FGF12: variants seen among roughly 807,000 people sequenced by gnomAD.
FGF12 encodes the protein fibroblast growth factor 12B.
Under a neutral mutation model 23.6 loss-of-function variants are expected in FGF12, and 14 were observed. The ratio of observed to expected loss-of-function variants is 0.59; its 90% confidence interval spans 0.39 to 0.93. The LOEUF is 0.93. FGF12 is among the 40% of genes least tolerant of loss of function. The probability of loss-of-function intolerance (pLI) is 0.00; values close to 1 mark genes in which losing one functional copy is unlikely to be tolerated. For missense variants in FGF12, 175 were observed against 217.8 expected, an observed-to-expected ratio of 0.80 and a Z score of 1.24; for synonymous variants, 62 against 77.3, an observed-to-expected ratio of 0.80 and a Z score of 1.04.
At chr3:192,317,588 T>A (rs1368867406) in intron 4 of FGF12, among the ~76,000 whole-genome samples, 1 of 151,900 alleles carries the variant, frequency 6.6e-6, no homozygotes, top group Non-Finnish European at 1.5e-5. Context: ...CCAGCAAGAT[T>A]CATAAGGTTC....
At chr3:192,212,469 G>C (rs780494570) in intron 4 of FGF12, among the ~76,000 whole-genome samples, 3 of 152,096 alleles carry the variant, frequency 2.0e-5, no homozygotes, top group Non-Finnish European at 4.4e-5. Flanking sequence ...TAAATAACTT[G>C]TTATTTAGAA....
chr3:192,315,741 T>C (rs1158648567), intron 4 of FGF12, among the ~76,000 whole-genome samples: 1 of 151,558 alleles, frequency 6.6e-6, no homozygotes, highest in Non-Finnish European at 1.5e-5. Context: ...ACAGGAGATC[T>C]TTTGGAAATC....
intron 2 of FGF12, among the ~76,000 whole-genome samples, chr3:192,450,172 C>T (rs1400704229): frequency 6.6e-6 from 1 of 152,116 alleles, no homozygotes; most frequent in Non-Finnish European, 1.5e-5. Context: ...CACCAAGATA[C>T]CCTTTCCAGG....
chr3:192,568,187 T>A (rs1254795713), intron 2 of FGF12, among the ~76,000 whole-genome samples: 1 of 152,166 alleles, frequency 6.6e-6, no homozygotes, highest in Admixed American at 6.5e-5. Flanking sequence ...TCCACCTAGA[T>A]AATTTGGATT....
intron 2 of FGF12, among the ~76,000 whole-genome samples, chr3:192,379,005 G>A (rs1013402876): frequency 2.0e-5 from 3 of 152,148 alleles, no homozygotes; most frequent in Non-Finnish European, 4.4e-5. Flanking sequence ...GTGAGAACAT[G>A]TGGTATTTGG....
At position 192,574,432 on chromosome 3, in the gene FGF12, A is replaced by G. The variant is rs143789537; in HGVS notation, c.13+152749T>C. 6.0e-3 allele frequency among the ~76,000 whole-genome samples: 908 copies of G among 152,316 alleles called. 8 individuals carry two copies. The highest frequency in any genetic ancestry group is 0.02 in the African/African-American group (821 of 41,566). ...GGAGGGGCTATGCTTCTGACCCTTTACCATATAAACTTTTGCTTAAAGATC... is the reference window on the plus strand; with the variant it reads ...GGAGGGGCTATGCTTCTGACCCTTTGCCATATAAACTTTTGCTTAAAGATC... On this transcript the variant is annotated intron_variant, in intron 2 of 5. Transcript: ENST00000445105.
In FGF12 at chr3:192,212,786, T is replaced by TGGG. The variant is rs35232167; in HGVS notation, c.229-42133_229-42131dup. On this transcript the variant is annotated intron_variant, in intron 4 of 5. Transcript: ENST00000445105. ...TTCTCAACATTAAAATTCACAAAAA[T>TGGG]GGGGGGGGGGTTAAAAAAAGAAATA... 1.6e-3 allele frequency among the ~76,000 whole-genome samples: 221 copies of TGGG among 141,484 alleles called. 1 individual carries two copies. Among genetic ancestry groups the TGGG allele is most frequent in the Middle Eastern group, 3.6e-3 (1 of 276 alleles). The allele number at this position is 141,484 out of a possible 152,430, so 92.8% of individuals were successfully genotyped here.
chr3:192,601,441 T>G (rs1276325500), intron 2 of FGF12, among the ~76,000 whole-genome samples: 1 of 152,136 alleles, frequency 6.6e-6, no homozygotes, highest in African/African-American at 2.4e-5. Flanking sequence ...GGATATTGAA[T>G]GTTCCCAACA....
At chr3:192,602,155 T>A (rs1714140078) in intron 2 of FGF12, among the ~76,000 whole-genome samples, 1 of 152,178 alleles carries the variant, frequency 6.6e-6, no homozygotes, top group Non-Finnish European at 1.5e-5. Context: ...AACAAATGTC[T>A]TATTCTGGCT....
chr3:192,420,716 T>C (rs749209786), intron 2 of FGF12, among the ~76,000 whole-genome samples: 2 of 152,164 alleles, frequency 1.3e-5, no homozygotes, highest in African/African-American at 4.8e-5. Context: ...ATGCTTCTTA[T>C]ACAATCTACA....
At position 192,309,480 on chromosome 3, in the gene FGF12, C is replaced by T. The variant is rs77563439; in HGVS notation, c.228+25881G>A. Among the ~76,000 whole-genome samples the T allele has an allele frequency of 1.3e-3, 199 of 152,258 alleles. 1 individual carries two copies. Among genetic ancestry groups the T allele is most frequent in the African/African-American group, 4.5e-3 (188 of 41,546 alleles). Reference sequence around the variant, plus strand: ...GATGGGAACTGGAAGATAAGTCGGACACAGCCTTTGCCTTCAAGATGCTGA... The same window carrying T: ...GATGGGAACTGGAAGATAAGTCGGATACAGCCTTTGCCTTCAAGATGCTGA... On this transcript the variant is annotated intron_variant, in intron 4 of 5. Transcript: ENST00000445105.
chr3:192,584,952 C>T (rs1713311762), intron 2 of FGF12, among the ~76,000 whole-genome samples: 1 of 152,058 alleles, frequency 6.6e-6, no homozygotes, highest in South Asian at 2.1e-4. Flanking sequence ...TAGTGTATGC[C>T]AGGCCCTAGC....
At chr3:192,440,771 G>A (rs536479071) in intron 2 of FGF12, among the ~76,000 whole-genome samples, 70 of 152,290 alleles carry the variant, frequency 4.6e-4, no homozygotes, top group African/African-American at 1.7e-3. Flanking sequence ...GATGCCCTAT[G>A]TGTCAGCCAC....
intron 2 of FGF12, among the ~76,000 whole-genome samples, chr3:192,426,642 G>A (rs1265992903): frequency 2.0e-5 from 3 of 152,152 alleles, no homozygotes; most frequent in African/African-American, 7.2e-5. Context: ...CTTGAGAGTT[G>A]TAGGAGATAA....
At chr3:192,158,443 TTTC>T (rs370455446) in intron 5 of FGF12, among the ~76,000 whole-genome samples, 15,651 of 147,242 alleles carry the variant, frequency 0.11, 1,231 homozygotes, top group East Asian at 0.22. Flanking sequence ...TCTTTCTTTC[TTTC>T]TTCTTTTTTC....
chr3:192,523,009 C>A (rs1439351179), intron 2 of FGF12, among the ~76,000 whole-genome samples: 2 of 152,156 alleles, frequency 1.3e-5, no homozygotes, highest in African/African-American at 4.8e-5. Context: ...CCATTTTATA[C>A]TTTAAAAATG....
intron 2 of FGF12, among the ~76,000 whole-genome samples, chr3:192,607,003 C>T (rs1714362739): frequency 6.6e-6 from 1 of 152,070 alleles, no homozygotes; most frequent in Non-Finnish European, 1.5e-5. Context: ...GGACAACCCC[C>T]TCCCCCAACA....
chr3:192,685,117 C>T (rs963077557), intron 2 of FGF12, among the ~76,000 whole-genome samples: 1 of 151,992 alleles, frequency 6.6e-6, no homozygotes, highest in African/African-American at 2.4e-5. Context: ...AGTGACACGA[C>T]CTCAGCTCAC....
chr3:192,469,436 G>A (rs1013681222), intron 2 of FGF12, among the ~76,000 whole-genome samples: 1 of 152,130 alleles, frequency 6.6e-6, no homozygotes, highest in Admixed American at 6.5e-5. Context: ...ATACCAGAGG[G>A]CTCATGATAG....
Sources: gnomAD v4.1 joint callset for allele counts (sites outside exome capture counted in the v4.1 genomes callset) on GRCh38, gnomAD v4.1.1 for gene constraint, MANE v1.5 for transcripts, NCBI Gene and HGNC (gene_info 2026-07-23, HGNC 2026-07-21) for gene names.